Variants in CCDC92 observed in about 807,000 individuals in gnomAD.
CCDC92 encodes coiled-coil domain containing 92.
A neutral mutation model predicts 24.9 loss-of-function variants in CCDC92; 12 were observed. That is an observed-to-expected ratio of 0.48 (90% confidence interval 0.31 to 0.78). CCDC92 has a LOEUF of 0.78. Among genes scored for constraint, CCDC92 ranks in the 30% least tolerant of loss-of-function variants. The pLI, the probability that CCDC92 is intolerant of heterozygous loss-of-function variation, is 0.05. For missense variants in CCDC92, 399 were observed against 439.4 expected (o/e 0.91, Z 0.82); for synonymous variants, 193 against 196.3 (o/e 0.98, Z 0.14).
intron 1 of CCDC92, among the ~76,000 whole-genome samples, chr12:123,960,458 A>G (rs1172340935): frequency 6.6e-6 from 1 of 152,260 alleles, no homozygotes; most frequent in Non-Finnish European, 1.5e-5. Context: ...TGTGACATAC[A>G]GTATCTTCTC....
chr12:123,967,398 T>G lies in CCDC92; in HGVS notation c.-60+5131A>C, dbSNP rs115286506. On this transcript the variant is annotated intron_variant, in intron 1 of 4. Coordinates refer to ENST00000238156, the MANE Select transcript of CCDC92 (RefSeq NM_025140.3). Reference sequence around the variant, plus strand: ...GAAAAACTCCAACCTTTCTCCATCTTTCTTATCAATGTGCAAGATTTGGCT... The same window carrying G: ...GAAAAACTCCAACCTTTCTCCATCTGTCTTATCAATGTGCAAGATTTGGCT... Among the ~76,000 whole-genome samples, 729 of 152,324 alleles carry G rather than the reference T, an allele frequency of 4.8e-3. 4 individuals are homozygous for G. The highest frequency in any genetic ancestry group is 0.016 in the African/African-American group (684 of 41,556).
At chr12:123,970,999 A>C (rs978291703) in intron 1 of CCDC92, among the ~76,000 whole-genome samples, 6 of 152,212 alleles carry the variant, frequency 3.9e-5, no homozygotes, top group Non-Finnish European at 7.4e-5. Flanking sequence ...AAGAGTTATA[A>C]ACCCAAGATG....
intron 1 of CCDC92, among the ~76,000 whole-genome samples, chr12:123,970,955 T>C (rs1465763077): frequency 6.6e-6 from 1 of 152,022 alleles, no homozygotes; most frequent in African/African-American, 2.4e-5. Context: ...GATCAATTTA[T>C]CCAATTTTGC....
In CCDC92 at chr12:123,937,186, C is replaced by G; in HGVS notation, c.868G>C (p.Gly290Arg). ...GCGTGGTGGATCCGATGTGCCACCCCGACGTGGGCCTTGTGCGGCTTTTCG... is the reference window on the plus strand; with the variant it reads ...GCGTGGTGGATCCGATGTGCCACCCGGACGTGGGCCTTGTGCGGCTTTTCG... ...AREKPHKAHVGVAHRIHHATP... is the reference protein window; with the variant it reads ...AREKPHKAHVRVAHRIHHATP... Residue 290 changes from glycine to arginine, a missense_variant, in exon 5 of 5, where the codon GGG becomes CGG. Transcript: ENST00000238156. This position sits in a 1 kb window ranked among gnomAD's most constrained non-coding sequence, Gnocchi z 8.4. The G allele has an allele frequency of 6.2e-7, 1 of 1,609,718 alleles. No individual in the cohort carries two copies. The highest frequency in any genetic ancestry group is 8.5e-7 in the Non-Finnish European group (1 of 1,179,558).
At chr12:123,942,059 T>C (rs2137905635) in intron 4 of CCDC92, among the ~76,000 whole-genome samples, 1 of 152,364 alleles carries the variant, frequency 6.6e-6, no homozygotes, top group South Asian at 2.1e-4. Context: ...CAGGTGTCTC[T>C]GCACAAACAT....
At chr12:123,957,946 A>G (rs1315109339) in intron 1 of CCDC92, among the ~76,000 whole-genome samples, 2 of 151,728 alleles carry the variant, frequency 1.3e-5, no homozygotes, top group Non-Finnish European at 2.9e-5. Context: ...TGATCTGCCC[A>G]CCTCGGCCTC....
At chr12:123,952,889 G>A (rs1956060637) in intron 1 of CCDC92, among the ~76,000 whole-genome samples, 1 of 152,152 alleles carries the variant, frequency 6.6e-6, no homozygotes, top group African/African-American at 2.4e-5. Context: ...GCAAAAACAG[G>A]TGAGGTTGAG....
chr12:123,947,156 C>T (rs959451319), intron 1 of CCDC92, among the ~76,000 whole-genome samples: 53 of 152,326 alleles, frequency 3.5e-4, no homozygotes, highest in African/African-American at 1.1e-3. Context: ...AGCCCACCAG[C>T]GCTGCACTCA....
chr12:123,938,730 T>C (rs976691643), intron 4 of CCDC92, among the ~76,000 whole-genome samples: 2 of 152,214 alleles, frequency 1.3e-5, no homozygotes, highest in Non-Finnish European at 2.9e-5. Flanking sequence ...CAGTGTCTCC[T>C]GAGCACCACT....
At chr12:123,947,976 C>T (rs1181549249) in intron 1 of CCDC92, among the ~76,000 whole-genome samples, 21 of 152,166 alleles carry the variant, frequency 1.4e-4, no homozygotes, top group Admixed American at 1.3e-3. Flanking sequence ...GAAGAAACTC[C>T]GAACACATCC....
chr12:123,939,985 TC>T, intron 4 of CCDC92, among the ~76,000 whole-genome samples: 1 of 152,318 alleles, frequency 6.6e-6, no homozygotes, highest in South Asian at 2.1e-4. Context: ...TTGGGCTCCT[TC>T]CGAGGAAGGG....
At chr12:123,969,342 T>A (rs1956466475) in intron 1 of CCDC92, among the ~76,000 whole-genome samples, 1 of 152,086 alleles carries the variant, frequency 6.6e-6, no homozygotes, top group African/African-American at 2.4e-5. Context: ...TGCAACTTAA[T>A]GTAGGTGGAT....
At chr12:123,971,846 A>G (rs1956550245) in intron 1 of CCDC92, 1 of 152,342 alleles carries the variant, frequency 6.6e-6, no homozygotes, top group Non-Finnish European at 1.5e-5. Flanking sequence ...AGAGTAAACT[A>G]AAGCCGCATC....
rs1956218945 is a variant in CCDC92, at chr12:123,959,220, C to G, written c.-60+13309G>C. On this transcript the variant is annotated intron_variant, in intron 1 of 4. Coordinates refer to ENST00000238156, the MANE Select transcript of CCDC92 (RefSeq NM_025140.3). ...GGATGTGGGGGAAGATTGAGTTTAT[C>G]TGAACAGATGCTGTCCAATGGAACT... 4.6e-5 allele frequency among the ~76,000 whole-genome samples: 7 copies of G among 152,332 alleles called. No homozygotes were observed. The South Asian group carries it at 1.5e-3, about 32-fold the overall frequency.
chr12:123,952,267 C>A (rs1594480087), intron 1 of CCDC92, among the ~76,000 whole-genome samples: 1 of 152,302 alleles, frequency 6.6e-6, no homozygotes, highest in African/African-American at 2.4e-5. Flanking sequence ...CGGAAATGAG[C>A]TAGCAAAGAA....
intron 1 of CCDC92, among the ~76,000 whole-genome samples, chr12:123,955,946 T>C (rs1257572326): frequency 2.0e-5 from 3 of 152,220 alleles, no homozygotes; most frequent in Non-Finnish European, 4.4e-5. Flanking sequence ...GTCCCAGCCA[T>C]GTCATCTTGG....
At chr12:123,970,346 T>C (rs534304733) in intron 1 of CCDC92, 23 of 152,404 alleles carry the variant, frequency 1.5e-4, no homozygotes, top group African/African-American at 5.5e-4. Flanking sequence ...GAGCAGCCCC[T>C]TCTTTCCACC....
intron 1 of CCDC92, chr12:123,944,732 G>A (rs3186071): frequency 0.31 from 48,211 of 157,944 alleles, 7,573 homozygotes; most frequent in Middle Eastern, 0.34. Flanking sequence ...ACTCCACTCC[G>A]AGGGCAACCT....
intron 1 of CCDC92, among the ~76,000 whole-genome samples, chr12:123,947,506 A>G: frequency 6.6e-6 from 1 of 152,106 alleles, no homozygotes; most frequent in Non-Finnish European, 1.5e-5. Context: ...ATCTAGCTCA[A>G]GGTTTGTAAA....
Sources: allele counts gnomAD v4.1 joint callset (sites outside exome capture counted in the v4.1 genomes callset), GRCh38; gene constraint gnomAD v4.1.1; non-coding constraint Gnocchi (gnomAD v3.1); transcripts MANE v1.5; gene names NCBI Gene and HGNC (gene_info 2026-07-23, HGNC 2026-07-21).